Variants in TCEA1 observed in about 807,000 individuals in gnomAD.
TCEA1 encodes transcription elongation factor A1.
In TCEA1, 21 loss-of-function variants were observed where a neutral mutation model predicts 43.8. That is an observed-to-expected ratio of 0.48 (90% CI 0.34 to 0.69). The LOEUF (loss-of-function observed/expected upper bound fraction) is 0.69. TCEA1 is among the 30% of genes least tolerant of loss of function. The pLI, the probability that TCEA1 is intolerant of heterozygous loss-of-function variation, is 0.01. For missense variants in TCEA1, 250 were observed against 365.1 expected, an observed-to-expected ratio of 0.68 and a Z score of 2.57; for synonymous variants, 104 against 117.5, an observed-to-expected ratio of 0.88 and a Z score of 0.75.
At chr8:53,991,390 C>T (rs1329437139) in intron 4 of TCEA1, among the ~76,000 whole-genome samples, 1 of 142,310 alleles carries the variant, frequency 7.0e-6, no homozygotes, top group African/African-American at 2.6e-5. Flanking sequence ...AAGACTCCGT[C>T]TCAAAAAAAA....
chr8:53,973,767 T>A (rs1803238918), intron 8 of TCEA1: 1 of 489,074 alleles, frequency 2.0e-6, no homozygotes, highest in Admixed American at 2.7e-5. Flanking sequence ...TTCCCACTTG[T>A]TCAATGTGCA....
At chr8:53,991,817 A>G (rs1376696860) in intron 4 of TCEA1, among the ~76,000 whole-genome samples, 1 of 151,518 alleles carries the variant, frequency 6.6e-6, no homozygotes, top group Non-Finnish European at 1.5e-5. Context: ...AACTTTATTA[A>G]CAACTGCTGT....
intron 4 of TCEA1, among the ~76,000 whole-genome samples, chr8:53,992,378 T>G (rs1384553395): frequency 1.3e-5 from 2 of 151,810 alleles, no homozygotes; most frequent in Non-Finnish European, 2.9e-5. Context: ...TTTGGGACAC[T>G]GAGGAGGGCG....
chr8:53,990,263 C>T (rs1016361039), intron 4 of TCEA1, among the ~76,000 whole-genome samples: 1 of 151,536 alleles, frequency 6.6e-6, no homozygotes, highest in African/African-American at 2.4e-5. Flanking sequence ...CTATGTTGTC[C>T]AGGCTGGTCT....
In TCEA1 at chr8:54,009,368, C is replaced by G. The variant is rs139544309; in HGVS notation, c.126+1062G>C. Reference sequence around the variant, plus strand: ...TCAGTTTAACAAAGGGGTATCTGCACCCCTCATGTTTACTGCAGCACTATT... The same window carrying G: ...TCAGTTTAACAAAGGGGTATCTGCAGCCCTCATGTTTACTGCAGCACTATT... On this transcript the variant is annotated intron_variant, in intron 2 of 9. Transcript: ENST00000521604. Among the ~76,000 whole-genome samples, 567 of 152,244 alleles carry G rather than the reference C, an allele frequency of 3.7e-3. 3 individuals carry two copies. Among genetic ancestry groups the G allele is most frequent in the African/African-American group, 0.013 (547 of 41,536 alleles).
chr8:53,982,242 TAG>T (rs1803533855), intron 7 of TCEA1, among the ~76,000 whole-genome samples: 1 of 151,996 alleles, frequency 6.6e-6, no homozygotes, highest in African/African-American at 2.4e-5. Context: ...TGTCAACATT[TAG>T]AGGAGTTTGA....
intron 2 of TCEA1, among the ~76,000 whole-genome samples, chr8:54,008,172 C>CA (rs777634895): frequency 0.14 from 5,723 of 41,188 alleles, 518 homozygotes; most frequent in Non-Finnish European, 0.18. Context: ...AACTGTGTCT[C>CA]AAAAAAAAAA....
intron 3 of TCEA1, among the ~76,000 whole-genome samples, chr8:53,997,125 G>T (rs1288709410): frequency 6.6e-6 from 1 of 151,902 alleles, no homozygotes; most frequent in Non-Finnish European, 1.5e-5. Context: ...AGCCAGGATG[G>T]TCTCGATCTC....
chr8:53,972,127 C>G (rs942167876), intron 8 of TCEA1: 2 of 289,744 alleles, frequency 6.9e-6, no homozygotes, highest in South Asian at 3.5e-5. Flanking sequence ...CCATCCATAA[C>G]GGCAAGTGGC....
At chr8:54,015,221 G>A (rs1209811512) in intron 1 of TCEA1, among the ~76,000 whole-genome samples, 1 of 151,422 alleles carries the variant, frequency 6.6e-6, no homozygotes, top group Non-Finnish European at 1.5e-5. Flanking sequence ...CCAGGCTGGA[G>A]TGCAGTGGCG....
chr8:53,969,160 C>A (rs982898063), intron 9 of TCEA1, among the ~76,000 whole-genome samples: 3 of 152,098 alleles, frequency 2.0e-5, no homozygotes, highest in African/African-American at 4.8e-5. Context: ...CATGGTGGCA[C>A]ATTCCTGTAA....
intron 4 of TCEA1, among the ~76,000 whole-genome samples, 155 bp from the exon 5 acceptor site, chr8:53,988,414 C>T (rs961516952): frequency 3.9e-5 from 6 of 152,096 alleles, no homozygotes; most frequent in Non-Finnish European, 8.8e-5. Context: ...TGCCTGCATA[C>T]AGATTAAAAA....
chr8:54,017,363 C>CT (rs996712659), intron 1 of TCEA1, among the ~76,000 whole-genome samples: 2 of 152,248 alleles, frequency 1.3e-5, no homozygotes, highest in African/African-American at 4.8e-5. Flanking sequence ...ACAAAACCAA[C>CT]TCTTCCTTTC....
intron 1 of TCEA1, among the ~76,000 whole-genome samples, chr8:54,019,024 G>A (rs1804934853): frequency 1.3e-5 from 2 of 152,174 alleles, no homozygotes; most frequent in African/African-American, 4.8e-5. Flanking sequence ...TTTTCAGAAT[G>A]AGGATAATAC....
At chr8:53,972,559 C>G in intron 8 of TCEA1, 1 of 548,900 alleles carries the variant, frequency 1.8e-6, no homozygotes, top group Non-Finnish European at 3.6e-6. Flanking sequence ...GATTTGCTGA[C>G]TCTGTTCAAC....
intron 2 of TCEA1, among the ~76,000 whole-genome samples, chr8:54,001,925 C>T (rs1366312021): frequency 4.0e-5 from 6 of 151,084 alleles, no homozygotes; most frequent in Non-Finnish European, 5.9e-5. Flanking sequence ...GGGCGGCTCA[C>T]GAAGTCAGGA....
intron 1 of TCEA1, among the ~76,000 whole-genome samples, chr8:54,013,647 C>A (rs1198961327): frequency 3.2e-5 from 4 of 126,284 alleles, no homozygotes; most frequent in Non-Finnish European, 4.8e-5. Flanking sequence ...TGCCACTGCA[C>A]TCCAACCTGG....
intron 8 of TCEA1, chr8:53,972,876 G>A: frequency 1.4e-6 from 1 of 703,952 alleles, no homozygotes; most frequent in East Asian, 2.6e-5. Flanking sequence ...TATACCAGAT[G>A]ATACTACTTT....
chr8:53,990,376 TTC>T (rs1803839364), intron 4 of TCEA1, among the ~76,000 whole-genome samples: 5 of 151,074 alleles, frequency 3.3e-5, no homozygotes, highest in African/African-American at 1.2e-4. Flanking sequence ...TTTTTTTTTT[TTC>T]TTTTGAGACA....
Sources: allele counts gnomAD v4.1 joint callset (sites outside exome capture counted in the v4.1 genomes callset), GRCh38; gene constraint gnomAD v4.1.1; transcripts MANE v1.5; gene names NCBI Gene and HGNC (gene_info 2026-07-23, HGNC 2026-07-21).